The following HMCN1 variants were observed in gnomAD, a reference collection of about 807,000 sequenced individuals.
The protein encoded by HMCN1 is hemicentin 1.
In HMCN1, 321 loss-of-function variants were observed where a neutral mutation model predicts 625.9. That is an observed-to-expected ratio of 0.51 (90% confidence interval 0.47 to 0.56). HMCN1 has a LOEUF of 0.56. Ranked by LOEUF, HMCN1 falls within the 20% of genes least tolerant of loss-of-function variation. The pLI is 0.00. For missense variants in HMCN1, 6,588 were observed against 6,887.3 expected, an observed-to-expected ratio of 0.96 and a Z score of 1.54; for synonymous variants, 2,425 against 2,417.6, an observed-to-expected ratio of 1.00 and a Z score of -0.09.
intron 52 of HMCN1, among the ~76,000 whole-genome samples, chr1:186,072,830 T>A (rs1048019871): frequency 6.6e-6 from 1 of 152,228 alleles, no homozygotes; most frequent in Non-Finnish European, 1.5e-5. Flanking sequence ...TGATGCCCCT[T>A]GTGCCAGTTG....
At chr1:186,137,398 T>TGC in intron 87 of HMCN1, 100 bp from the exon 88 acceptor site, 2 of 1,306,772 alleles carry the variant, frequency 1.5e-6, no homozygotes, top group Non-Finnish European at 1.1e-6. Context: ...TCTCAGCAAC[T>TGC]ATATATTTAG....
chr1:186,001,001 A>AC (rs943344603), intron 26 of HMCN1, among the ~76,000 whole-genome samples: 2 of 151,976 alleles, frequency 1.3e-5, no homozygotes, highest in Non-Finnish European at 2.9e-5. Flanking sequence ...CTTAATTAAG[A>AC]CCCCATAAGC....
intron 15 of HMCN1, among the ~76,000 whole-genome samples, chr1:185,973,788 G>T (rs1475994088): frequency 6.6e-6 from 1 of 152,050 alleles, no homozygotes; most frequent in Non-Finnish European, 1.5e-5. Context: ...AAGAGGACTG[G>T]CTACATCAAA....
At chr1:185,825,366 A>C (rs1303333798) in intron 1 of HMCN1, among the ~76,000 whole-genome samples, 2 of 152,180 alleles carry the variant, frequency 1.3e-5, no homozygotes, top group African/African-American at 4.8e-5. Flanking sequence ...TAAAAAATTT[A>C]ATAAAACTTT....
intron 35 of HMCN1, among the ~76,000 whole-genome samples, chr1:186,022,166 A>G (rs1380168901): frequency 6.6e-6 from 1 of 152,140 alleles, no homozygotes; most frequent in Non-Finnish European, 1.5e-5. Context: ...TGTAGAGCTC[A>G]GGAGAGACAG....
At chr1:186,123,311 AC>A in intron 81 of HMCN1, 91 bp downstream of exon 81, 1 of 1,465,544 alleles carries the variant, frequency 6.8e-7, no homozygotes, top group Non-Finnish European at 9.3e-7. Flanking sequence ...GAAGTCAAAA[AC>A]CCTTAAACTC....
chr1:186,080,469 G>A (rs990629439), intron 55 of HMCN1, among the ~76,000 whole-genome samples: 6 of 152,226 alleles, frequency 3.9e-5, no homozygotes, highest in African/African-American at 7.2e-5. Context: ...TATGGGTAAC[G>A]TGATTTTTCA....
At chr1:185,935,228 C>T (rs1439371747) in intron 11 of HMCN1, among the ~76,000 whole-genome samples, 2 of 151,282 alleles carry the variant, frequency 1.3e-5, no homozygotes, top group African/African-American at 2.5e-5. Context: ...TCCACGTTAA[C>T]GTTATAGTCC....
intron 6 of HMCN1, among the ~76,000 whole-genome samples, chr1:185,917,064 A>C (rs372504600): frequency 1.3e-4 from 20 of 152,256 alleles, no homozygotes; most frequent in African/African-American, 4.6e-4. Context: ...ACTCATGGAG[A>C]GTCAATGATA....
rs376684093 is a variant in HMCN1, at chr1:186,093,447, C to T, written c.10013-39C>T. The T allele has an allele frequency of 1.7e-5, 27 of 1,601,290 alleles. No individual in the cohort carries two copies. The African/African-American group carries it at 2.4e-4, about 14-fold the overall frequency. ...TTATTTGAACTAGTATTACATAATA[C>T]ATCCCTCTTCCCTCTCTCTCACTTT... On this transcript the variant is annotated intron_variant, in intron 65 of 106. Transcript: ENST00000271588.
intron 4 of HMCN1, among the ~76,000 whole-genome samples, chr1:185,899,541 G>A (rs1255178978): frequency 6.6e-6 from 1 of 151,970 alleles, no homozygotes; most frequent in East Asian, 1.9e-4. Context: ...TATTTCTTAA[G>A]GACTTCCCAG....
At chr1:186,178,388 T>C in intron 103 of HMCN1, 28 bp from the exon 104 acceptor site, 1 of 1,520,972 alleles carries the variant, frequency 6.6e-7, no homozygotes, top group Non-Finnish European at 9.1e-7. Flanking sequence ...TCTTTTTTTT[T>C]CTTTTTTATA....
At chr1:186,049,817 G>A (rs979607820) in intron 42 of HMCN1, among the ~76,000 whole-genome samples, 1 of 151,846 alleles carries the variant, frequency 6.6e-6, no homozygotes, top group South Asian at 2.1e-4. Flanking sequence ...ATGCACTGAT[G>A]TAGAAAATGA....
rs377269478 is a variant in HMCN1, at chr1:186,087,575, G to A, written c.9293G>A (p.Arg3098Gln). The change falls in exon 60 of 107, where the codon CGG (arginine) becomes CAG (glutamine). Residue 3098 changes from arginine (R) to glutamine (Q), a missense_variant. Around this residue, in one of 3 missense-constraint regions of HMCN1, gnomAD observed 4,628 missense variants for 4,853.1 expected, o/e 0.95. Transcript: ENST00000271588. ...PPVITWYKNG[R>Q]MITESTHVEI... ...GTCATCACTTGGTATAAGAATGGGC[G>A]GATGATAACAGAGTCTACTCATGTG... The A allele has an allele frequency of 1.8e-5, 29 of 1,613,068 alleles. No homozygotes were observed. The highest frequency in any genetic ancestry group is 1.7e-4 in the African/African-American group (13 of 74,814).
chr1:186,179,371 A>G (rs1652796467), intron 104 of HMCN1, among the ~76,000 whole-genome samples: 1 of 152,188 alleles, frequency 6.6e-6, no homozygotes, highest in African/African-American at 2.4e-5. Context: ...TAAATTCACA[A>G]GTCTATAATT....
intron 30 of HMCN1, among the ~76,000 whole-genome samples, chr1:186,014,850 G>A (rs183864983): frequency 6.6e-6 from 1 of 151,958 alleles, no homozygotes; most frequent in East Asian, 1.9e-4. Context: ...CTTTGAGTGG[G>A]GTTTTATTTT....
intron 4 of HMCN1, among the ~76,000 whole-genome samples, chr1:185,879,024 C>T (rs898281980): frequency 5.3e-5 from 8 of 152,182 alleles, no homozygotes; most frequent in Admixed American, 3.9e-4. Flanking sequence ...TGCAGTTATC[C>T]AGGCTCAAGT....
At position 185,965,791 on chromosome 1, in the gene HMCN1, G is replaced by A. The variant is rs886045664; in HGVS notation, c.2099-11G>A. The A allele has an allele frequency of 1.3e-6, 2 of 1,529,096 alleles. No individual in the cohort carries two copies. Among genetic ancestry groups the A allele is most frequent in the South Asian group, 2.2e-5 (2 of 89,412 alleles). 94.7% of individuals were successfully genotyped at this position (1,529,096 alleles called of 1,614,324 possible). A position where few individuals can be genotyped will look rare whatever the true frequency, so the allele number is the denominator to read the frequency against. On this transcript the variant is annotated splice_polypyrimidine_tract_variant and intron_variant, in intron 13 of 106. Transcript: ENST00000271588. ...CTAAATGTTGACTATTTGCGTTTTTGTTTTTTTCAGAAGCCCCTAAGTTGA... is the reference window on the plus strand; with the variant it reads ...CTAAATGTTGACTATTTGCGTTTTTATTTTTTTCAGAAGCCCCTAAGTTGA...
At chr1:186,124,478 A>G (rs1044779093) in intron 81 of HMCN1, among the ~76,000 whole-genome samples, 5 of 152,088 alleles carry the variant, frequency 3.3e-5, no homozygotes, top group Non-Finnish European at 7.4e-5. Context: ...ACAAATAGCA[A>G]CCCAAGGAAA....
Sources: allele counts gnomAD v4.1 joint callset (sites outside exome capture counted in the v4.1 genomes callset), GRCh38; gene constraint gnomAD v4.1.1; regional missense constraint gnomAD v4.1.1; transcripts MANE v1.5; gene names NCBI Gene and HGNC (gene_info 2026-07-23, HGNC 2026-07-21).